Variants in TMCC1 observed in about 807,000 individuals in gnomAD.
TMCC1 encodes transmembrane and coiled-coil domain family 1.
Under a neutral mutation model 52.4 loss-of-function variants are expected in TMCC1, and 15 were observed. The observed-to-expected ratio is 0.29, with a 90% CI of 0.19 to 0.44. The LOEUF (loss-of-function observed/expected upper bound fraction) is 0.44, where lower values mean the gene tolerates loss of function less well. TMCC1 is among the 20% of genes least tolerant of loss of function. TMCC1 has a pLI of 1.00. For synonymous variants in TMCC1, 279 were observed against 301.9 expected, an observed-to-expected ratio of 0.92 and a Z score of 0.79; for missense variants, 503 against 806.0, an observed-to-expected ratio of 0.62 and a Z score of 4.55.
intron 4 of TMCC1, among the ~76,000 whole-genome samples, chr3:129,714,719 G>A (rs1013949462): frequency 6.6e-6 from 1 of 152,124 alleles, no homozygotes; most frequent in Non-Finnish European, 1.5e-5. Context: ...GGATAAAAAA[G>A]CCAACTTTAA....
intron 4 of TMCC1, among the ~76,000 whole-genome samples, chr3:129,786,684 C>T (rs780265101): frequency 6.6e-6 from 1 of 152,154 alleles, no homozygotes; most frequent in African/African-American, 2.4e-5. Context: ...CTTATCTCCC[C>T]AGTTATGATG....
intron 4 of TMCC1, among the ~76,000 whole-genome samples, chr3:129,711,800 C>A (rs1258843027): frequency 1.4e-5 from 2 of 143,710 alleles, no homozygotes; most frequent in African/African-American, 2.6e-5. Context: ...ACCAGCCTGA[C>A]CAACATGGTG....
chr3:129,725,078 T>C (rs2049963864), intron 4 of TMCC1, among the ~76,000 whole-genome samples: 1 of 152,212 alleles, frequency 6.6e-6, no homozygotes, highest in South Asian at 2.1e-4. Context: ...AGGATCTACA[T>C]TTGTACCCAA....
intron 4 of TMCC1, among the ~76,000 whole-genome samples, chr3:129,748,935 G>A (rs557837932): frequency 1.3e-5 from 2 of 152,200 alleles, no homozygotes; most frequent in South Asian, 4.2e-4. Flanking sequence ...GGAGGCACAA[G>A]AATCCTTTGA....
At chr3:129,711,947 A>G (rs2048721384) in intron 4 of TMCC1, among the ~76,000 whole-genome samples, 1 of 136,758 alleles carries the variant, frequency 7.3e-6, no homozygotes, top group African/African-American at 2.7e-5. Context: ...GGTTGTAGTG[A>G]GCCGAGATGG....
At position 129,651,655 on chromosome 3, in the gene TMCC1, G is replaced by A. The variant is rs1460619816; in HGVS notation, c.1788C>T (p.Val596=). 1 of 1,614,246 alleles carries A rather than the reference G, an allele frequency of 6.2e-7. No homozygotes were observed. Residue 596 remains valine, a synonymous_variant, in exon 7 of 7, where the codon GTC becomes GTT. Coordinates refer to ENST00000393238, the MANE Select transcript of TMCC1 (RefSeq NM_001017395.5). The surrounding 1 kb of genome is among the most constrained non-coding windows in gnomAD (Gnocchi z 5.1). ...LGKLINILLA[V]MAVLLVFVST... is the part of the protein sequence containing the mutation. The stretch of plus-strand genomic sequence containing the variant: ...AGACAAAGACCAAAAGGACTGCCAT[G>A]ACAGCCAGGAGGATGTTGATGAGTT...
At chr3:129,720,633 G>C (rs973765096) in intron 4 of TMCC1, among the ~76,000 whole-genome samples, 5 of 152,096 alleles carry the variant, frequency 3.3e-5, no homozygotes, top group African/African-American at 1.2e-4. Flanking sequence ...GAACCACCTA[G>C]TGGAGCCCAG....
At chr3:129,862,625 T>C (rs2060446610) in intron 2 of TMCC1, among the ~76,000 whole-genome samples, 1 of 152,064 alleles carries the variant, frequency 6.6e-6, no homozygotes. Context: ...AAATATTAGA[T>C]GGAAACAAAT....
At chr3:129,843,896 CA>C (rs1406643494) in intron 2 of TMCC1, among the ~76,000 whole-genome samples, 1 of 105,330 alleles carries the variant, frequency 9.5e-6, no homozygotes, top group African/African-American at 3.4e-5. Context: ...AATACCAAAA[CA>C]AAACAGACAC....
intron 4 of TMCC1, among the ~76,000 whole-genome samples, chr3:129,759,378 C>A (rs2053296374): frequency 1.3e-5 from 2 of 151,532 alleles, no homozygotes; most frequent in Admixed American, 6.6e-5. Flanking sequence ...AGCGATTCTC[C>A]TGCCTCATCC....
At chr3:129,715,826 CTG>C (rs2049038247) in intron 4 of TMCC1, among the ~76,000 whole-genome samples, 1 of 152,126 alleles carries the variant, frequency 6.6e-6, no homozygotes. Context: ...TGGCCAGTCA[CTG>C]TTTCATTCTT....
intron 4 of TMCC1, among the ~76,000 whole-genome samples, chr3:129,699,259 C>G (rs963742466): frequency 1.3e-5 from 2 of 152,190 alleles, no homozygotes; most frequent in African/African-American, 4.8e-5. Context: ...TACAGGTCAT[C>G]AAGACCTTGC....
intron 4 of TMCC1, among the ~76,000 whole-genome samples, chr3:129,801,009 C>T (rs529081172): frequency 1.0e-4 from 15 of 149,720 alleles, no homozygotes; most frequent in Middle Eastern, 3.4e-3. Flanking sequence ...CTGCAAGCTC[C>T]GCCTCCCAGG....
At chr3:129,691,251 T>C (rs1048816804) in intron 4 of TMCC1, among the ~76,000 whole-genome samples, 3 of 152,208 alleles carry the variant, frequency 2.0e-5, no homozygotes, top group Non-Finnish European at 4.4e-5. Flanking sequence ...CGAGTGTAAT[T>C]CAATTAAGAA....
intron 4 of TMCC1, among the ~76,000 whole-genome samples, chr3:129,792,774 T>C (rs1384910803): frequency 2.6e-5 from 4 of 152,092 alleles, no homozygotes. Flanking sequence ...AAATGAGCAA[T>C]AAGGGTACCA....
At position 129,671,021 on chromosome 3, in the gene TMCC1, C is replaced by A; in HGVS notation, c.820G>T (p.Ala274Ser). The A allele has an allele frequency of 6.2e-7, 1 of 1,614,160 alleles. No homozygotes were observed. Among genetic ancestry groups the A allele is most frequent in the Non-Finnish European group, 8.5e-7 (1 of 1,180,022 alleles). The change falls in exon 5 of 7, where the codon GCT (alanine) becomes TCT (serine). Residue 274 changes from alanine to serine, a missense_variant. Physicochemically the swap from Ala to Ser is moderately conservative, Grantham distance 99. This residue lies in a region of TMCC1 where 73 missense variants were observed against 182.9 expected (regional missense o/e 0.40). Coordinates refer to ENST00000393238, the MANE Select transcript of TMCC1 (RefSeq NM_001017395.5). ...TCAAAGACTTGCTTGATGCGGGCAG[C>A]CTGCTGTTTGTCTGCACTGTTGGCA... ...KLANSADKQQ[A>S]ARIKQVFEKK...
chr3:129,817,536 T>G (rs771772967), intron 4 of TMCC1, among the ~76,000 whole-genome samples: 1 of 152,218 alleles, frequency 6.6e-6, no homozygotes, highest in Non-Finnish European at 1.5e-5. Context: ...TATCTTATTA[T>G]CCAAAGGGAA....
At chr3:129,792,166 G>A (rs1470862471) in intron 4 of TMCC1, among the ~76,000 whole-genome samples, 3 of 148,454 alleles carry the variant, frequency 2.0e-5, no homozygotes, top group Admixed American at 1.4e-4. Flanking sequence ...TGAAATTGCT[G>A]TTCAACTGTA....
intron 4 of TMCC1, among the ~76,000 whole-genome samples, chr3:129,760,520 C>T (rs2053472663): frequency 6.6e-6 from 1 of 151,158 alleles, no homozygotes; most frequent in Non-Finnish European, 1.5e-5. Flanking sequence ...CGCTCTGTTG[C>T]CCAGGCTGGA....
Sources: gnomAD v4.1 joint callset for allele counts (sites outside exome capture counted in the v4.1 genomes callset) on GRCh38, gnomAD v4.1.1 for gene constraint, gnomAD v4.1.1 regional missense constraint, Gnocchi (gnomAD v3.1) non-coding constraint, MANE v1.5 for transcripts, NCBI Gene and HGNC (gene_info 2026-07-23, HGNC 2026-07-21) for gene names.